GALNTL6: variants seen among roughly 807,000 people sequenced by gnomAD.
The protein encoded by GALNTL6 is polypeptide N-acetylgalactosaminyltransferase-like 6.
Under a neutral mutation model 73.7 loss-of-function variants are expected in GALNTL6, and 46 were observed. The ratio of observed to expected loss-of-function variants is 0.62; its 90% CI spans 0.49 to 0.80. The LOEUF (loss-of-function observed/expected upper bound fraction) is 0.80, where lower values mean the gene tolerates loss of function less well. Ranked by LOEUF, GALNTL6 falls within the 30% of genes least tolerant of loss-of-function variation. The probability of loss-of-function intolerance (pLI) is 0.00; values close to 1 mark genes in which losing one functional copy is unlikely to be tolerated. For synonymous variants in GALNTL6, 259 were observed against 263.7 expected (o/e 0.98, Z 0.17); for missense variants, 604 against 755.0 (o/e 0.80, Z 2.34).
intron 2 of GALNTL6, among the ~76,000 whole-genome samples, chr4:171,920,505 A>C (rs61037937): frequency 0.04 from 6,041 of 152,250 alleles, 348 homozygotes; most frequent in African/African-American, 0.12. Flanking sequence ...TATAGAATTT[A>C]TCCAGGAATA....
intron 5 of GALNTL6, among the ~76,000 whole-genome samples, chr4:172,518,970 A>C (rs369769192): frequency 2.6e-5 from 4 of 151,842 alleles, no homozygotes; most frequent in African/African-American, 7.2e-5. Flanking sequence ...AAGCATTTAC[A>C]ATGCATGGAG....
intron 5 of GALNTL6, among the ~76,000 whole-genome samples, chr4:172,634,269 A>G (rs1387220587): frequency 6.6e-6 from 1 of 152,226 alleles, no homozygotes; most frequent in Non-Finnish European, 1.5e-5. Context: ...AGCAGAGGTG[A>G]CAAAAACAGT....
chr4:172,572,080 C>T (rs1367201483), intron 5 of GALNTL6, among the ~76,000 whole-genome samples: 1 of 152,126 alleles, frequency 6.6e-6, no homozygotes, highest in Admixed American at 6.5e-5. Context: ...ATGATTGTGA[C>T]AATTATTGAC....
intron 2 of GALNTL6, among the ~76,000 whole-genome samples, chr4:172,227,380 C>T (rs769784939): frequency 3.9e-5 from 6 of 152,142 alleles, no homozygotes; most frequent in Admixed American, 1.3e-4. Context: ...AGTTTGACAA[C>T]CTTATATTTA....
At chr4:172,538,137 C>T (rs1735413783) in intron 5 of GALNTL6, among the ~76,000 whole-genome samples, 1 of 152,100 alleles carries the variant, frequency 6.6e-6, no homozygotes, top group African/African-American at 2.4e-5. Flanking sequence ...TATACACAGA[C>T]ATCAGAGAAG....
intron 2 of GALNTL6, among the ~76,000 whole-genome samples, chr4:172,196,327 C>T (rs565430259): frequency 6.6e-6 from 1 of 152,108 alleles, no homozygotes; most frequent in South Asian, 2.1e-4. Context: ...CAAAAAAATC[C>T]CAGGACCAGA....
At chr4:171,830,548 T>C (rs1367162009) in intron 2 of GALNTL6, among the ~76,000 whole-genome samples, 2 of 152,162 alleles carry the variant, frequency 1.3e-5, no homozygotes, top group Admixed American at 1.3e-4. Flanking sequence ...AAATATCATA[T>C]AGGTACTGCC....
chr4:172,158,369 C>T (rs1368831593), intron 2 of GALNTL6, among the ~76,000 whole-genome samples: 4 of 151,834 alleles, frequency 2.6e-5, no homozygotes, highest in East Asian at 3.9e-4. Flanking sequence ...GAACTACTTT[C>T]CCGCAGTACA....
intron 5 of GALNTL6, among the ~76,000 whole-genome samples, chr4:172,579,826 GAA>G (rs1290178166): frequency 7.2e-6 from 1 of 139,112 alleles, no homozygotes; most frequent in Admixed American, 7.1e-5. Flanking sequence ...AGGAAGGAGG[GAA>G]GGAAGGAGGG....
rs565196271 is a variant in GALNTL6, at chr4:172,589,995, A to G, written c.554-219366A>G. On this transcript the variant is annotated intron_variant, in intron 5 of 12. Coordinates refer to ENST00000506823, the MANE Select transcript of GALNTL6 (RefSeq NM_001034845.3). ...AATCTGCCCTGCTAGGGAAAATAGC[A>G]TTAGAGGAAGGGGACTCAGAGGCCC... Among the ~76,000 whole-genome samples, 5 of 152,328 alleles carry G rather than the reference A, an allele frequency of 3.3e-5. No individual in the cohort carries two copies. The East Asian group carries it at 9.6e-4, about 29-fold the overall frequency.
chr4:172,622,050 G>T (rs1186024994), intron 5 of GALNTL6, among the ~76,000 whole-genome samples: 2 of 152,162 alleles, frequency 1.3e-5, no homozygotes, highest in East Asian at 1.9e-4. Context: ...TCACACTAGG[G>T]TCATGGTCCT....
intron 5 of GALNTL6, among the ~76,000 whole-genome samples, chr4:172,574,939 TACACAC>T (rs33997885): frequency 5.3e-4 from 79 of 149,916 alleles, no homozygotes; most frequent in Non-Finnish European, 5.5e-4. Flanking sequence ...CACGCACACA[TACACAC>T]ACACACACAC....
At chr4:172,659,878 G>T (rs1731278761) in intron 5 of GALNTL6, among the ~76,000 whole-genome samples, 1 of 152,128 alleles carries the variant, frequency 6.6e-6, no homozygotes, top group African/African-American at 2.4e-5. Flanking sequence ...GTTCCAGCAT[G>T]CCCTTCCTGA....
At chr4:172,138,552 C>T (rs1425607213) in intron 2 of GALNTL6, among the ~76,000 whole-genome samples, 6 of 42,988 alleles carry the variant, frequency 1.4e-4, no homozygotes, top group Admixed American at 4.2e-4. Flanking sequence ...TTTTTTGAGA[C>T]GCAATCTCGC....
intron 2 of GALNTL6, among the ~76,000 whole-genome samples, chr4:172,226,600 T>C (rs903297892): frequency 4.0e-5 from 1 of 24,742 alleles, no homozygotes; most frequent in East Asian, 1.6e-3. Flanking sequence ...TGTGTGTGTG[T>C]GTTTCTGTGT....
At chr4:172,656,983 G>T (rs1731063590) in intron 5 of GALNTL6, among the ~76,000 whole-genome samples, 1 of 151,954 alleles carries the variant, frequency 6.6e-6, no homozygotes, top group Admixed American at 6.6e-5. Flanking sequence ...TTGGTTTAAG[G>T]TCTCATTATT....
chr4:172,381,543 G>T (rs1008633838), intron 5 of GALNTL6, among the ~76,000 whole-genome samples: 12 of 152,014 alleles, frequency 7.9e-5, no homozygotes, highest in African/African-American at 2.9e-4. Flanking sequence ...TCTGTGGCTT[G>T]CTTTTTTCCT....
intron 2 of GALNTL6, among the ~76,000 whole-genome samples, chr4:172,138,016 T>C (rs2111031354): frequency 6.6e-6 from 1 of 152,312 alleles, no homozygotes; most frequent in East Asian, 1.9e-4. Context: ...CATGAGCAGA[T>C]GAGCTGCTGC....
At chr4:172,334,384 A>G (rs1313384062) in intron 4 of GALNTL6, among the ~76,000 whole-genome samples, 8 of 152,226 alleles carry the variant, frequency 5.3e-5, no homozygotes, top group African/African-American at 2.4e-5. Context: ...ACCCATAAGT[A>G]TAGTATATTT....
Sources: allele counts gnomAD v4.1 joint callset (sites outside exome capture counted in the v4.1 genomes callset), GRCh38; gene constraint gnomAD v4.1.1; transcripts MANE v1.5; gene names NCBI Gene and HGNC (gene_info 2026-07-23, HGNC 2026-07-21).